STARD9: variants seen among roughly 807,000 people sequenced by gnomAD.
STARD9 encodes stAR-related lipid transfer protein 9.
STARD9 carries 346 observed loss-of-function variants against 399.8 expected under a neutral mutation model. That is an observed-to-expected ratio of 0.87 (90% CI 0.79 to 0.95). The LOEUF (loss-of-function observed/expected upper bound fraction) is 0.95. Ranked by LOEUF, STARD9 falls within the 40% of genes least tolerant of loss-of-function variation. The pLI, the probability that STARD9 is intolerant of heterozygous loss-of-function variation, is 0.00. For synonymous variants in STARD9, 2,203 were observed against 2,143.5 expected (o/e 1.03, Z -0.77); for missense variants, 5,832 against 5,667.5 (o/e 1.03, Z -0.93).
chr15:42,682,320 G>C lies in STARD9; in HGVS notation c.2282G>C (p.Arg761Pro), dbSNP rs950800511. 6.5e-7 allele frequency: 1 copy of C among 1,537,264 alleles called. No individual in the cohort carries two copies. Among genetic ancestry groups the C allele is most frequent in the Non-Finnish European group, 8.7e-7 (1 of 1,146,908 alleles). Reference protein sequence around the residue: ...LRRHTLRAAERNVRRKKVSFQ... With the variant: ...LRRHTLRAAEPNVRRKKVSFQ... Reference sequence around the variant, plus strand: ...AGACACACTCTTCGGGCAGCAGAGCGGAATGTCCGGCGGAAAAAGGTCTCA... The same window carrying C: ...AGACACACTCTTCGGGCAGCAGAGCCGAATGTCCGGCGGAAAAAGGTCTCA... The change falls in exon 22 of 33, where the codon CGG (arginine) becomes CCG (proline). Residue 761 changes from arginine (R) to proline (P), a missense_variant. By Grantham distance (103) the Arg-to-Pro change is moderately radical (BLOSUM62 -2). Transcript: ENST00000290607.
At chr15:42,606,558 C>A (rs2058727287) in intron 3 of STARD9, among the ~76,000 whole-genome samples, 1 of 151,154 alleles carries the variant, frequency 6.6e-6, no homozygotes, top group South Asian at 2.1e-4. Context: ...TGGGCTCAAG[C>A]CACCTTCCCA....
Position 42,662,969 on chromosome 15 carries a change from A to G in STARD9, c.868+78A>G. The G allele has an allele frequency of 4.6e-6, 5 of 1,084,250 alleles. No homozygotes were observed. In the South Asian group the frequency reaches 5.5e-5, roughly 12 times the overall value. 67.2% of individuals were successfully genotyped at this position (1,084,250 alleles called of 1,614,324 possible). A position where few individuals can be genotyped will look rare whatever the true frequency, so the allele number is the denominator to read the frequency against. Reference sequence around the variant, plus strand: ...TGTTTTCATTTTGTCGCAATAGGGTAGACACAGGGTTCCTTTTGATAAGGT... The same window carrying G: ...TGTTTTCATTTTGTCGCAATAGGGTGGACACAGGGTTCCTTTTGATAAGGT... On this transcript the variant is annotated intron_variant, in intron 11 of 32. Transcript: ENST00000290607.
At position 42,682,580 on chromosome 15, in the gene STARD9, A is replaced by G. The variant is rs1003958073; in HGVS notation, c.2537+5A>G. 5 of 1,520,540 alleles carry G rather than the reference A, an allele frequency of 3.3e-6. No individual in the cohort carries two copies. In the African/African-American group the frequency reaches 4.1e-5, roughly 13 times the overall value. 94.2% of individuals were successfully genotyped at this position (1,520,540 alleles called of 1,614,324 possible). On this transcript the variant is annotated splice_donor_5th_base_variant and intron_variant, in intron 22 of 32. Transcript: ENST00000290607. ...GCACATGCCCCAGCTACACAGGTAC[A>G]GCCAGTAGTTGTCACTGGGAAGCAC...
rs149088758 is a variant in STARD9 at position 42,685,362 on chromosome 15, G to C, written c.3784G>C (p.Ala1262Pro). The change falls in exon 23 of 33, where the codon GCA becomes CCA. Residue 1262 changes from alanine to proline, a missense_variant. By Grantham distance (27) the Ala-to-Pro change is conservative. Transcript: ENST00000290607. ...GCTTGGTCCCATCAACTACAGAACA[G>C]CAGCTAGGCTGGATGCCGTCCTGCC... ...CRLGPINYRT[A>P]ARLDAVLPMS... 1 of 1,537,166 alleles carries C rather than the reference G, an allele frequency of 6.5e-7. No individual in the cohort carries two copies. The highest frequency in any genetic ancestry group is 8.7e-7 in the Non-Finnish European group (1 of 1,146,926).
intron 3 of STARD9, among the ~76,000 whole-genome samples, chr15:42,615,916 A>G (rs2058954259): frequency 1.3e-5 from 2 of 152,204 alleles, no homozygotes; most frequent in South Asian, 4.1e-4. Context: ...CTATTTCAGT[A>G]AAAATAAAAC....
chr15:42,675,117 C>T (rs913363080), intron 18 of STARD9, among the ~76,000 whole-genome samples, 153 bp downstream of exon 18: 1 of 152,180 alleles, frequency 6.6e-6, no homozygotes, highest in Non-Finnish European at 1.5e-5. Context: ...GATCCTATTC[C>T]CATAAACAAG....
At chr15:42,632,894 G>A (rs1249888844) in intron 3 of STARD9, among the ~76,000 whole-genome samples, 1 of 152,074 alleles carries the variant, frequency 6.6e-6, no homozygotes, top group Non-Finnish European at 1.5e-5. Context: ...TGTAATCCCA[G>A]CACTTTGGGA....
intron 1 of STARD9, chr15:42,581,397 G>A (rs1323048053): frequency 6.0e-6 from 9 of 1,506,278 alleles, no homozygotes; most frequent in Middle Eastern, 1.8e-4. Context: ...ATAGTCAAGA[G>A]GTAGCTGCGC....
At chr15:42,575,910 G>C in intron 1 of STARD9, 148 bp downstream of exon 1, 1 of 913,292 alleles carries the variant, frequency 1.1e-6, no homozygotes, top group Non-Finnish European at 1.7e-6. Flanking sequence ...CGGAGGCCTG[G>C]CGGGACGGGA....
intron 26 of STARD9, among the ~76,000 whole-genome samples, chr15:42,700,478 G>A (rs898894989): frequency 1.3e-5 from 2 of 152,162 alleles, no homozygotes; most frequent in Non-Finnish European, 2.9e-5. Flanking sequence ...CATTTAGATG[G>A]AGCGAAGTGA....
At chr15:42,629,533 T>C (rs760514678) in intron 3 of STARD9, among the ~76,000 whole-genome samples, 1 of 152,220 alleles carries the variant, frequency 6.6e-6, no homozygotes, top group Non-Finnish European at 1.5e-5. Context: ...GTGGAGTCTT[T>C]AGGTTTTCCC....
chr15:42,694,592 A>T lies in STARD9; in HGVS notation c.12829A>T (p.Thr4277Ser). ...TGAGCGACTTGGGAACTTCTGCCGG[A>T]CGCGAAGCCTTAGCCCTCAGAAACA... Reference protein sequence around the residue: ...RAERLGNFCRTRSLSPQKQLS... With the variant: ...RAERLGNFCRSRSLSPQKQLS... The change falls in exon 24 of 33, where the codon ACG becomes TCG. Residue 4277 changes from threonine (T) to serine (S), a missense_variant. Physicochemically the swap from Thr to Ser is moderately conservative, Grantham distance 58. This residue lies in a region of STARD9 where 5,828 missense variants were observed against 5,651.1 expected (regional missense o/e 1.03). Coordinates refer to ENST00000290607, the MANE Select transcript of STARD9 (RefSeq NM_020759.3). 2.0e-6 allele frequency: 3 copies of T among 1,537,198 alleles called. No individual in the cohort carries two copies. The highest frequency in any genetic ancestry group is 2.6e-6 in the Non-Finnish European group (3 of 1,146,896).
intron 7 of STARD9, among the ~76,000 whole-genome samples, chr15:42,641,579 A>G (rs573466110): frequency 7.0e-6 from 1 of 143,256 alleles, no homozygotes; most frequent in South Asian, 2.3e-4. Flanking sequence ...TCATTGTTCA[A>G]TTCACAGGTG....
Position 42,593,639 on chromosome 15 carries a change from A to G in STARD9, c.234+8002A>G, listed in dbSNP as rs1042305124. 2.7e-5 allele frequency among the ~76,000 whole-genome samples: 4 copies of G among 149,224 alleles called. No homozygotes were observed. The South Asian group carries it at 8.4e-4, about 31-fold the overall frequency. ...CCAAAATTGAAAGTATTTTAGTAGT[A>G]ATATGGTTGTGCTTCTTTTTTTTTT... On this transcript the variant is annotated intron_variant, in intron 3 of 32. Transcript: ENST00000290607.
intron 13 of STARD9, among the ~76,000 whole-genome samples, chr15:42,664,425 A>C (rs2060049973): frequency 6.6e-6 from 1 of 152,118 alleles, no homozygotes; most frequent in African/African-American, 2.4e-5. Context: ...GTGCAGCAGC[A>C]CTATTGTGGC....
rs1384244812 is a variant in STARD9, at chr15:42,687,290, T to C, written c.5712T>C (p.Ser1904=). 1.7e-5 allele frequency: 26 copies of C among 1,536,742 alleles called. No individual in the cohort carries two copies. Among genetic ancestry groups the C allele is most frequent in the Admixed American group, 7.8e-5 (4 of 50,992 alleles). Residue 1904 remains serine (S), a synonymous_variant, in exon 23 of 33, where the codon TCT becomes TCC. Coordinates refer to ENST00000290607, the MANE Select transcript of STARD9 (RefSeq NM_020759.3). ...GTGCTTCCTCAGACAGCACTGAGTC[T>C]GGGAAGTCTCTCCTCTTTCGTGAAT... ...CCGASSDSTE[S]GKSLLFRESE... is the part of the protein sequence containing the mutation.
intron 3 of STARD9, among the ~76,000 whole-genome samples, chr15:42,626,563 C>T (rs559134324): frequency 2.7e-4 from 41 of 151,740 alleles, no homozygotes; most frequent in African/African-American, 6.5e-4. Flanking sequence ...CGCAGTGGCG[C>T]GATTTCGGCT....
At chr15:42,708,424 G>A (rs192758705) in intron 26 of STARD9, among the ~76,000 whole-genome samples, 1 of 152,310 alleles carries the variant, frequency 6.6e-6, no homozygotes, top group East Asian at 1.9e-4. Flanking sequence ...GTGGCAGAGA[G>A]TTGAGTAGCT....
chr15:42,625,794 T>G (rs995675973), intron 3 of STARD9, among the ~76,000 whole-genome samples: 1 of 152,092 alleles, frequency 6.6e-6, no homozygotes, highest in Non-Finnish European at 1.5e-5. Context: ...GAGTACTACA[T>G]GTATTTTGTT....
Sources: allele counts gnomAD v4.1 joint callset (sites outside exome capture counted in the v4.1 genomes callset), GRCh38; gene constraint gnomAD v4.1.1; regional missense constraint gnomAD v4.1.1; transcripts MANE v1.5; gene names NCBI Gene and HGNC (gene_info 2026-07-23, HGNC 2026-07-21).